HMGA2: variants seen among roughly 807,000 people sequenced by gnomAD.
The protein encoded by HMGA2 is high mobility group AT-hook 2, also known as high mobility group protein HMGI-C.
In HMGA2, 8 loss-of-function variants were observed where a neutral mutation model predicts 19.1. That is an observed-to-expected ratio of 0.42 (90% CI 0.25 to 0.76). The LOEUF (loss-of-function observed/expected upper bound fraction) is 0.76. Ranked by LOEUF, HMGA2 falls within the 30% of genes least tolerant of loss-of-function variation. The probability of loss-of-function intolerance (pLI) is 0.28; values close to 1 mark genes in which losing one functional copy is unlikely to be tolerated. For missense variants in HMGA2, 109 were observed against 136.3 expected (o/e 0.80, Z 1.00); for synonymous variants, 60 against 48.8 (o/e 1.23, Z -0.96).
In HMGA2 at chr12:65,965,692, T is replaced by C. The variant is rs916739881; in HGVS notation, c.*2400T>C. On this transcript the variant is annotated 3_prime_UTR_variant, in exon 5 of 5. Transcript: ENST00000403681. ...TGGATGGGCCTTTTAGAAACCTCAT[T>C]GGCCAGCTCATAAAATGGAAGCAAT... 2 of 223,170 alleles carry C rather than the reference T, an allele frequency of 9.0e-6. No individual in the cohort carries two copies. Among genetic ancestry groups the C allele is most frequent in the Non-Finnish European group, 1.8e-5 (2 of 111,452 alleles). 13.8% of individuals were successfully genotyped at this position (223,170 alleles called of 1,614,324 possible).
chr12:65,919,369 A>T (rs530966504), intron 3 of HMGA2, among the ~76,000 whole-genome samples: 1 of 152,180 alleles, frequency 6.6e-6, no homozygotes, highest in Admixed American at 6.5e-5. Flanking sequence ...ATTAAGCAAA[A>T]TATCTACTTT....
intron 3 of HMGA2, chr12:65,859,127 G>A (rs1871907967): frequency 6.6e-6 from 1 of 152,228 alleles, no homozygotes; most frequent in Non-Finnish European, 1.5e-5. Context: ...GAAGAAATAG[G>A]AATCAACCTA....
rs554612972 is a variant in HMGA2, at chr12:65,916,913, G to A, written c.250-34470G>A. Among the ~76,000 whole-genome samples, 5 of 152,312 alleles carry A rather than the reference G, an allele frequency of 3.3e-5. No individual in the cohort carries two copies. In the South Asian group the frequency reaches 8.3e-4, roughly 25 times the overall value. On this transcript the variant is annotated intron_variant, in intron 3 of 4. Transcript: ENST00000403681. ...TTGGGCCGCTTATGTGAGGTAGCCCGCAGAGGCACCTTTGGGTGGAGAGAG... is the reference window on the plus strand; with the variant it reads ...TTGGGCCGCTTATGTGAGGTAGCCCACAGAGGCACCTTTGGGTGGAGAGAG...
intron 3 of HMGA2, among the ~76,000 whole-genome samples, chr12:65,897,868 C>A (rs929359556): frequency 1.1e-4 from 17 of 151,282 alleles, no homozygotes; most frequent in African/African-American, 3.6e-4. Flanking sequence ...GAGGCTGAGG[C>A]AGGAGAAATC....
intron 3 of HMGA2, among the ~76,000 whole-genome samples, chr12:65,926,457 G>A (rs879430400): frequency 1.3e-5 from 2 of 152,194 alleles, no homozygotes; most frequent in African/African-American, 2.4e-5. Flanking sequence ...GCAGAGGAGA[G>A]GCTTTCAAGG....
intron 4 of HMGA2, chr12:65,951,642 A>G: frequency 2.5e-6 from 1 of 402,824 alleles, no homozygotes; most frequent in Non-Finnish European, 4.5e-6. Context: ...AAGCAAATAT[A>G]AATTCTTTTA....
chr12:65,905,122 A>G (rs1205586544), intron 3 of HMGA2, among the ~76,000 whole-genome samples: 1 of 151,906 alleles, frequency 6.6e-6, no homozygotes, highest in Non-Finnish European at 1.5e-5. Context: ...CCTAATTTTT[A>G]TTTCTTAGAG....
At chr12:65,926,948 C>T (rs1459817257) in intron 3 of HMGA2, among the ~76,000 whole-genome samples, 3 of 152,120 alleles carry the variant, frequency 2.0e-5, no homozygotes, top group African/African-American at 7.2e-5. Context: ...TGTTACCATG[C>T]AGTAATCAGG....
rs566823187 is a variant in HMGA2 at position 65,944,234 on chromosome 12, C to T, written c.250-7149C>T. 4.6e-5 allele frequency among the ~76,000 whole-genome samples: 7 copies of T among 152,164 alleles called. No homozygotes were observed. The South Asian group carries it at 1.5e-3, about 32-fold the overall frequency. On this transcript the variant is annotated intron_variant, in intron 3 of 4. Transcript: ENST00000403681. ...ATATCTGATCAATACCTGAGTTGACCATTAATTTTAAATTTAATTCAAAGT... is the reference window on the plus strand; with the variant it reads ...ATATCTGATCAATACCTGAGTTGACTATTAATTTTAAATTTAATTCAAAGT...
chr12:65,846,874 C>T (rs1454426333), intron 3 of HMGA2, among the ~76,000 whole-genome samples: 3 of 152,110 alleles, frequency 2.0e-5, no homozygotes, highest in African/African-American at 7.2e-5. Flanking sequence ...AAGAGATAAC[C>T]TGATACCTGC....
intron 3 of HMGA2, among the ~76,000 whole-genome samples, chr12:65,883,125 C>T (rs911060721): frequency 6.6e-6 from 1 of 152,154 alleles, no homozygotes; most frequent in African/African-American, 2.4e-5. Flanking sequence ...AACTTCAAAG[C>T]TAAATTCTGA....
intron 3 of HMGA2, among the ~76,000 whole-genome samples, chr12:65,926,424 G>A (rs1875507023): frequency 6.6e-6 from 1 of 152,228 alleles, no homozygotes; most frequent in Non-Finnish European, 1.5e-5. Flanking sequence ...TAGAATTAAT[G>A]CCTCGGAGGT....
chr12:65,878,626 T>G (rs1027007217), intron 3 of HMGA2, among the ~76,000 whole-genome samples: 1 of 152,246 alleles, frequency 6.6e-6, no homozygotes, highest in Non-Finnish European at 1.5e-5. Flanking sequence ...TTTATAACTC[T>G]GATGAGCCTG....
chr12:65,891,870 C>T (rs879416055), intron 3 of HMGA2, among the ~76,000 whole-genome samples: 7 of 152,358 alleles, frequency 4.6e-5, no homozygotes, highest in Middle Eastern at 3.4e-3. Flanking sequence ...AGCCCAGTCC[C>T]GTGCCCAGCA....
intron 3 of HMGA2, chr12:65,915,509 A>G: frequency 8.4e-7 from 1 of 1,186,804 alleles, no homozygotes. Flanking sequence ...GATTTCATAA[A>G]ACAGATGCTT....
intron 3 of HMGA2, chr12:65,866,900 C>T (rs1397348273): frequency 6.6e-6 from 3 of 457,036 alleles, no homozygotes; most frequent in Non-Finnish European, 8.8e-6. Flanking sequence ...CCTTCTGCTG[C>T]CATTTTTCTT....
rs1026879561 is a variant in HMGA2, at chr12:65,963,648, T to G, written c.*356T>G. On this transcript the variant is annotated 3_prime_UTR_variant, in exon 5 of 5. Coordinates refer to ENST00000403681, the MANE Select transcript of HMGA2 (RefSeq NM_003483.6). ...AGTGGGCGGGTGAGAAAAACCGAAT[T>G]GGGTTTAGTCAATCACTGCACTGCA... 3.5e-5 allele frequency: 14 copies of G among 404,910 alleles called. No homozygotes were observed. The highest frequency in any genetic ancestry group is 5.5e-5 in the Non-Finnish European group (12 of 218,914). 25.1% of individuals were successfully genotyped at this position (404,910 alleles called of 1,614,324 possible).
At chr12:65,935,835 A>C (rs1322046037) in intron 3 of HMGA2, among the ~76,000 whole-genome samples, 3 of 152,196 alleles carry the variant, frequency 2.0e-5, no homozygotes, top group South Asian at 2.1e-4. Context: ...ATCTCAAACA[A>C]TAGTACATTT....
chr12:65,907,793 C>T (rs1406667572), intron 3 of HMGA2, among the ~76,000 whole-genome samples: 1 of 152,106 alleles, frequency 6.6e-6, no homozygotes, highest in African/African-American at 2.4e-5. Flanking sequence ...AAGTGGTAGA[C>T]ATGGGATTAA....
Sources: gnomAD v4.1 joint callset for allele counts (sites outside exome capture counted in the v4.1 genomes callset) on GRCh38, gnomAD v4.1.1 for gene constraint, MANE v1.5 for transcripts, NCBI Gene and HGNC (gene_info 2026-07-23, HGNC 2026-07-21) for gene names.